The following ANKIB1 variants were observed in gnomAD, a reference collection of about 807,000 sequenced individuals.
ANKIB1 encodes ankyrin repeat and IBR domain-containing protein 1.
ANKIB1 carries 43 observed loss-of-function variants against 122.1 expected under a neutral mutation model. The ratio of observed to expected loss-of-function variants is 0.35; its 90% CI spans 0.28 to 0.45. The LOEUF is 0.45. Ranked by LOEUF, ANKIB1 falls within the 20% of genes least tolerant of loss-of-function variation. The pLI, the probability that ANKIB1 is intolerant of heterozygous loss-of-function variation, is 1.00. For missense variants in ANKIB1, 992 were observed against 1,329.5 expected (o/e 0.75, Z 3.95); for synonymous variants, 390 against 442.0 (o/e 0.88, Z 1.48).
At chr7:92,266,554 A>G (rs1585078665) in intron 1 of ANKIB1, among the ~76,000 whole-genome samples, 1 of 152,066 alleles carries the variant, frequency 6.6e-6, no homozygotes, top group African/African-American at 2.4e-5. Flanking sequence ...TAAAGAACTC[A>G]CCTGTAGAAA....
At chr7:92,362,600 G>A (rs1029191333) in intron 10 of ANKIB1, among the ~76,000 whole-genome samples, 1 of 152,138 alleles carries the variant, frequency 6.6e-6, no homozygotes, top group African/African-American at 2.4e-5. Flanking sequence ...TCTGTACTTT[G>A]TGGAAGTAGT....
At position 92,325,994 on chromosome 7, in the gene ANKIB1, A is replaced by G. The variant is rs989477788; in HGVS notation, c.670-1789A>G. 5 of 435,474 alleles carry G rather than the reference A, an allele frequency of 1.1e-5. No homozygotes were observed. The East Asian group carries it at 3.5e-4, about 30-fold the overall frequency. The allele number at this position is 435,474 out of a possible 1,614,324, so 27.0% of individuals were successfully genotyped here. A position where few individuals can be genotyped will look rare whatever the true frequency, so the allele number is the denominator to read the frequency against. ...AAAATGGAAGCAGTTTATCTTTGCA[A>G]CAGGAAAGAGAAAGGTACTTTCATT... is the stretch of plus-strand genomic sequence containing the variant. On this transcript the variant is annotated intron_variant, in intron 4 of 19. Coordinates refer to ENST00000265742, the MANE Select transcript of ANKIB1 (RefSeq NM_019004.2).
At chr7:92,392,348 G>C (rs1804803765) in intron 17 of ANKIB1, 56 bp downstream of exon 17, 3 of 1,441,714 alleles carry the variant, frequency 2.1e-6, no homozygotes, top group Non-Finnish European at 9.7e-7. Flanking sequence ...AGTCGTGCTT[G>C]CATTTGCATC....
At chr7:92,302,213 C>T (rs898543267) in intron 2 of ANKIB1, among the ~76,000 whole-genome samples, 4 of 152,002 alleles carry the variant, frequency 2.6e-5, no homozygotes, top group African/African-American at 9.7e-5. Context: ...GGATTACAGG[C>T]GTGAGACACT....
At chr7:92,370,409 G>A (rs1027001739) in intron 10 of ANKIB1, among the ~76,000 whole-genome samples, 39 of 150,012 alleles carry the variant, frequency 2.6e-4, no homozygotes, top group Non-Finnish European at 4.0e-4. Context: ...TCGGGAGGCT[G>A]AGGCAGGAGA....
At chr7:92,388,229 G>A (rs943710279) in intron 14 of ANKIB1, among the ~76,000 whole-genome samples, 188 bp downstream of exon 14, 1 of 152,166 alleles carries the variant, frequency 6.6e-6, no homozygotes, top group Non-Finnish European at 1.5e-5. Context: ...TTTCTACCCA[G>A]CACCTAGCCT....
rs1274071556 is a variant in ANKIB1 at position 92,400,277 on chromosome 7, C to A, written c.*1328C>A. 1 of 152,176 alleles carries A rather than the reference C, an allele frequency of 6.6e-6. No individual in the cohort carries two copies. The highest frequency in any genetic ancestry group is 2.4e-5 in the African/African-American group (1 of 41,444). 9.4% of individuals were successfully genotyped at this position (152,176 alleles called of 1,614,324 possible). ...TTTAGTGTTGAAAAAAATCAACTTCCTAGTTATCAGTGTCTTACTGTGAAG... is the reference window on the plus strand; with the variant it reads ...TTTAGTGTTGAAAAAAATCAACTTCATAGTTATCAGTGTCTTACTGTGAAG... On this transcript the variant is annotated 3_prime_UTR_variant, in exon 20 of 20. Coordinates refer to ENST00000265742, the MANE Select transcript of ANKIB1 (RefSeq NM_019004.2).
intron 7 of ANKIB1, 122 bp from the exon 8 acceptor site, chr7:92,350,828 A>C: frequency 2.1e-6 from 2 of 965,902 alleles, no homozygotes. Context: ...CTGCACTCCA[A>C]CCTGAGTGAT....
At chr7:92,261,626 T>C (rs1801568005) in intron 1 of ANKIB1, among the ~76,000 whole-genome samples, 1 of 152,222 alleles carries the variant, frequency 6.6e-6, no homozygotes, top group Admixed American at 6.5e-5. Context: ...TTAATACCTC[T>C]TTCTTCCTTT....
chr7:92,323,724 A>G (rs1802963923), intron 4 of ANKIB1, among the ~76,000 whole-genome samples: 1 of 152,254 alleles, frequency 6.6e-6, no homozygotes, highest in South Asian at 2.1e-4. Flanking sequence ...TGGGTAAACA[A>G]GATGTGAGAT....
At chr7:92,345,143 T>C in intron 7 of ANKIB1, 77 bp downstream of exon 7, 2 of 1,044,896 alleles carry the variant, frequency 1.9e-6, no homozygotes, top group African/African-American at 1.6e-5. Context: ...TTGCTTTCAG[T>C]ATTTAATGAT....
At chr7:92,355,338 C>CT (rs1803776531) in intron 9 of ANKIB1, among the ~76,000 whole-genome samples, 1 of 151,858 alleles carries the variant, frequency 6.6e-6, no homozygotes. Context: ...TCTCTCTTCT[C>CT]TGAGACAACT....
At chr7:92,318,701 T>G (rs1802842516) in intron 3 of ANKIB1, among the ~76,000 whole-genome samples, 1 of 152,228 alleles carries the variant, frequency 6.6e-6, no homozygotes, top group Non-Finnish European at 1.5e-5. Context: ...CAAGTCAAGC[T>G]ACTATTCCAT....
intron 11 of ANKIB1, among the ~76,000 whole-genome samples, chr7:92,383,735 A>G (rs1804572222): frequency 6.6e-6 from 1 of 152,204 alleles, no homozygotes; most frequent in Non-Finnish European, 1.5e-5. Flanking sequence ...TTGATGGAAC[A>G]GATCTCAAAA....
Position 92,351,055 on chromosome 7 carries a change from A to G in ANKIB1, c.1191A>G (p.Ser397=). 6.3e-7 allele frequency: 1 copy of G among 1,589,836 alleles called. No homozygotes were observed. Among genetic ancestry groups the G allele is most frequent in the South Asian group, 1.1e-5 (1 of 87,166 alleles). Residue 397 remains serine, a synonymous_variant, in exon 8 of 20, where the codon TCA becomes TCG. Coordinates refer to ENST00000265742, the MANE Select transcript of ANKIB1 (RefSeq NM_019004.2). ...TGGATATCATAGAAAGTGTAGTTTC[A>G]AAGGAGATGGACAAACGATACCTAC... The part of the protein sequence containing the change: ...VPVDIIESVV[S]KEMDKRYLQF...
At chr7:92,395,541 T>TC (rs1804869441) in intron 17 of ANKIB1, among the ~76,000 whole-genome samples, 1 of 143,244 alleles carries the variant, frequency 7.0e-6, no homozygotes, top group Non-Finnish European at 1.5e-5. Flanking sequence ...CCAGTCACTT[T>TC]TTTTTTTTTT....
intron 11 of ANKIB1, 122 bp from the exon 12 acceptor site, chr7:92,386,384 GAGA>G: frequency 9.5e-7 from 1 of 1,052,488 alleles, no homozygotes; most frequent in East Asian, 2.9e-5. Flanking sequence ...GCATGTCTTT[GAGA>G]AGATTTATTA....
chr7:92,324,745 T>C (rs1434316054), intron 4 of ANKIB1, among the ~76,000 whole-genome samples: 2 of 152,252 alleles, frequency 1.3e-5, no homozygotes, highest in Non-Finnish European at 2.9e-5. Flanking sequence ...ATTTAGTTAA[T>C]GATCTGGACA....
intron 2 of ANKIB1, among the ~76,000 whole-genome samples, chr7:92,300,478 A>G (rs1802437772): frequency 1.3e-5 from 2 of 152,106 alleles, no homozygotes; most frequent in South Asian, 4.1e-4. Context: ...AAACAACCCT[A>G]ATTCTTTAAT....
Sources: allele counts gnomAD v4.1 joint callset (sites outside exome capture counted in the v4.1 genomes callset), GRCh38; gene constraint gnomAD v4.1.1; transcripts MANE v1.5; gene names NCBI Gene and HGNC (gene_info 2026-07-23, HGNC 2026-07-21).